The following DPP10 variants were observed in gnomAD, a reference collection of about 807,000 sequenced individuals.
DPP10 encodes the protein inactive dipeptidyl peptidase 10.
A neutral mutation model predicts 120.9 loss-of-function variants in DPP10; 33 were observed. The ratio of observed to expected loss-of-function variants is 0.27; its 90% confidence interval spans 0.21 to 0.37. DPP10 has a LOEUF of 0.37. Among genes scored for constraint, DPP10 ranks in the 10% least tolerant of loss-of-function variants. DPP10 has a pLI of 1.00. For missense variants in DPP10, 816 were observed against 942.8 expected, an observed-to-expected ratio of 0.87 and a Z score of 1.76; for synonymous variants, 337 against 326.1, an observed-to-expected ratio of 1.03 and a Z score of -0.36.
intron 1 of DPP10, among the ~76,000 whole-genome samples, chr2:114,847,418 G>A (rs955698692): frequency 6.6e-6 from 1 of 152,120 alleles, no homozygotes; most frequent in African/African-American, 2.4e-5. Flanking sequence ...CCTAATTGCT[G>A]TTTTTGATCA....
At chr2:114,899,859 C>A (rs907874406) in intron 1 of DPP10, among the ~76,000 whole-genome samples, 1 of 152,150 alleles carries the variant, frequency 6.6e-6, no homozygotes, top group African/African-American at 2.4e-5. Context: ...ACTCGGGAGG[C>A]TGAGGCAGGA....
intron 1 of DPP10, among the ~76,000 whole-genome samples, chr2:114,978,891 G>A (rs1699915851): frequency 1.3e-5 from 2 of 152,076 alleles, no homozygotes; most frequent in African/African-American, 2.4e-5. Context: ...ATTTCCTTCT[G>A]TAATTCCTAT....
intron 5 of DPP10, among the ~76,000 whole-genome samples, chr2:115,570,300 T>A (rs1008942220): frequency 2.0e-5 from 3 of 152,132 alleles, no homozygotes; most frequent in African/African-American, 7.2e-5. Context: ...TCTCATGAAC[T>A]CAATATAGTC....
chr2:115,590,672 G>A (rs1178011170), intron 5 of DPP10, among the ~76,000 whole-genome samples: 3 of 152,078 alleles, frequency 2.0e-5, no homozygotes, highest in Non-Finnish European at 4.4e-5. Context: ...CAGTCCTTTG[G>A]GTATATACCC....
At chr2:115,197,347 A>G (rs912302708) in intron 1 of DPP10, among the ~76,000 whole-genome samples, 2 of 151,454 alleles carry the variant, frequency 1.3e-5, no homozygotes, top group South Asian at 2.1e-4. Flanking sequence ...AGCCGAGATC[A>G]TGCCACTGCA....
intron 1 of DPP10, among the ~76,000 whole-genome samples, chr2:115,016,811 T>C (rs536688998): frequency 3.6e-4 from 55 of 152,158 alleles, no homozygotes; most frequent in African/African-American, 1.1e-3. Context: ...CCAACCCAAA[T>C]GTCCAACAAT....
chr2:114,536,803 A>C (rs567395698), intron 1 of DPP10, among the ~76,000 whole-genome samples: 62 of 152,204 alleles, frequency 4.1e-4, no homozygotes, highest in African/African-American at 1.4e-3. Flanking sequence ...TAACTCTAGC[A>C]TTGTCATCTT....
chr2:114,552,704 C>T (rs992652465), intron 1 of DPP10, among the ~76,000 whole-genome samples: 2 of 152,026 alleles, frequency 1.3e-5, no homozygotes, highest in Non-Finnish European at 1.5e-5. Flanking sequence ...CACCAACACA[C>T]CTGGCTAATT....
intron 24 of DPP10, among the ~76,000 whole-genome samples, chr2:115,838,568 C>A (rs1458835246): frequency 6.6e-6 from 1 of 152,096 alleles, no homozygotes; most frequent in East Asian, 1.9e-4. Context: ...AAATTATATT[C>A]AAGGTTAAAT....
At position 115,626,364 on chromosome 2, in the gene DPP10, A is replaced by G. The variant is rs189921213; in HGVS notation, c.442-63323A>G. Among the ~76,000 whole-genome samples the G allele has an allele frequency of 1.7e-4, 25 of 146,726 alleles. No individual in the cohort carries two copies. The East Asian group carries it at 3.1e-3, about 18-fold the overall frequency. ...TTTTACTTGATTAATTAATTTGTCA[A>G]TTAACGTACTAATTCATCAACAAAT... On this transcript the variant is annotated intron_variant, in intron 5 of 25. Transcript: ENST00000410059.
chr2:115,836,902 A>C (rs930013422), intron 24 of DPP10, among the ~76,000 whole-genome samples, 156 bp downstream of exon 24: 5 of 152,194 alleles, frequency 3.3e-5, no homozygotes, highest in Non-Finnish European at 2.9e-5. Flanking sequence ...GTGGGAAAAA[A>C]GAATTCAGAG....
chr2:114,710,325 T>G (rs766170684), intron 1 of DPP10, among the ~76,000 whole-genome samples: 1 of 152,168 alleles, frequency 6.6e-6, no homozygotes, highest in Non-Finnish European at 1.5e-5. Flanking sequence ...TATGAAAAAC[T>G]TTGCTAATCC....
At chr2:115,016,774 A>C (rs1702673228) in intron 1 of DPP10, among the ~76,000 whole-genome samples, 1 of 152,144 alleles carries the variant, frequency 6.6e-6, no homozygotes, top group South Asian at 2.1e-4. Context: ...TTATTGCGGC[A>C]CTATTCACGA....
intron 1 of DPP10, among the ~76,000 whole-genome samples, chr2:115,141,360 G>C (rs1014735788): frequency 1.3e-5 from 2 of 152,182 alleles, no homozygotes; most frequent in African/African-American, 4.8e-5. Context: ...CACCGTGCAT[G>C]CCGCTTCACA....
chr2:115,500,242 G>A (rs2076614334), intron 4 of DPP10, among the ~76,000 whole-genome samples: 1 of 151,898 alleles, frequency 6.6e-6, no homozygotes, highest in Admixed American at 6.6e-5. Context: ...TAATGAATCA[G>A]TATTGCAAAT....
chr2:115,201,980 G>A (rs2055763832), intron 1 of DPP10, among the ~76,000 whole-genome samples: 1 of 152,132 alleles, frequency 6.6e-6, no homozygotes, highest in Non-Finnish European at 1.5e-5. Context: ...TAGGATGAGG[G>A]TACTGCATGA....
At chr2:115,454,459 T>A (rs1171814542) in intron 3 of DPP10, among the ~76,000 whole-genome samples, 1 of 151,726 alleles carries the variant, frequency 6.6e-6, no homozygotes, top group African/African-American at 2.4e-5. Flanking sequence ...TAATACATTA[T>A]ATTAACAGAA....
chr2:115,754,686 TATG>T (rs1396112306), intron 11 of DPP10, among the ~76,000 whole-genome samples: 1 of 152,134 alleles, frequency 6.6e-6, no homozygotes, highest in Non-Finnish European at 1.5e-5. Flanking sequence ...ATGTCAATCA[TATG>T]ATCAATACTA....
At position 115,493,995 on chromosome 2, in the gene DPP10, C is replaced by A. The variant is rs1021601313; in HGVS notation, c.272-5515C>A. 2.6e-5 allele frequency among the ~76,000 whole-genome samples: 4 copies of A among 152,174 alleles called. No individual in the cohort carries two copies. The South Asian group carries it at 8.3e-4, about 32-fold the overall frequency. The stretch of plus-strand genomic sequence containing the variant: ...GACAGAGTCTCACTCTGTTGCCAGG[C>A]TGGGGTACAGTGGTGCAACATTGGC... On this transcript the variant is annotated intron_variant, in intron 3 of 25. Transcript: ENST00000410059.
Sources: gnomAD v4.1 joint callset for allele counts (sites outside exome capture counted in the v4.1 genomes callset) on GRCh38, gnomAD v4.1.1 for gene constraint, MANE v1.5 for transcripts, NCBI Gene and HGNC (gene_info 2026-07-23, HGNC 2026-07-21) for gene names.